RAB3C: variants seen among roughly 807,000 people sequenced by gnomAD.
RAB3C encodes the protein RAB3C, member RAS oncogene family.
A neutral mutation model predicts 26.4 loss-of-function variants in RAB3C; 17 were observed. The ratio of observed to expected loss-of-function variants is 0.64; its 90% CI spans 0.44 to 0.97. The LOEUF (loss-of-function observed/expected upper bound fraction) is 0.97. Among genes scored for constraint, RAB3C ranks in the 50% least tolerant of loss-of-function variants. RAB3C has a pLI of 0.00. For missense variants in RAB3C, 242 were observed against 281.9 expected (o/e 0.86, Z 1.01); for synonymous variants, 91 against 95.9 (o/e 0.95, Z 0.30).
chr5:58,778,724 T>C (rs939810145), intron 3 of RAB3C, among the ~76,000 whole-genome samples: 1 of 152,178 alleles, frequency 6.6e-6, no homozygotes, highest in East Asian at 1.9e-4. Flanking sequence ...ATTAAAATTA[T>C]TTATGCCATG....
At chr5:58,843,783 T>C (rs1349854411) in intron 4 of RAB3C, among the ~76,000 whole-genome samples, 1 of 152,208 alleles carries the variant, frequency 6.6e-6, no homozygotes, top group Non-Finnish European at 1.5e-5. Flanking sequence ...AAACTCCATC[T>C]AAAAATGATA....
chr5:58,691,923 AT>A (rs956666484), intron 2 of RAB3C, among the ~76,000 whole-genome samples: 2 of 152,162 alleles, frequency 1.3e-5, no homozygotes, highest in Non-Finnish European at 2.9e-5. Flanking sequence ...ACAAAATGTG[AT>A]TGTGTTCTGA....
chr5:58,696,632 T>C (rs1351118534), intron 2 of RAB3C, among the ~76,000 whole-genome samples: 1 of 152,218 alleles, frequency 6.6e-6, no homozygotes, highest in Non-Finnish European at 1.5e-5. Context: ...ATTAAACTTC[T>C]TCCTGGTTTA....
At chr5:58,695,986 T>C (rs1337302051) in intron 2 of RAB3C, among the ~76,000 whole-genome samples, 1 of 152,232 alleles carries the variant, frequency 6.6e-6, no homozygotes, top group Non-Finnish European at 1.5e-5. Context: ...AGAGAGGGCA[T>C]CCTTGTCTTG....
intron 1 of RAB3C, among the ~76,000 whole-genome samples, chr5:58,594,291 G>A (rs1746198060): frequency 2.0e-5 from 3 of 152,132 alleles, no homozygotes; most frequent in African/African-American, 4.8e-5. Flanking sequence ...CTCACCTATT[G>A]GTGTTAGCTC....
At chr5:58,818,056 C>A (rs1007683087) in intron 3 of RAB3C, among the ~76,000 whole-genome samples, 2 of 152,152 alleles carry the variant, frequency 1.3e-5, no homozygotes, top group Admixed American at 6.5e-5. Context: ...TCTCTGATAC[C>A]TCATATTCCC....
rs533140800 is a variant in RAB3C at position 58,727,281 on chromosome 5, C to T, written c.371+1161C>T. Reference sequence around the variant, plus strand: ...TCTAGGAAGACTTCTTATTTACACACACACACACACAGTTACAATGCAAGA... The same window carrying T: ...TCTAGGAAGACTTCTTATTTACACATACACACACACAGTTACAATGCAAGA... On this transcript the variant is annotated intron_variant, in intron 3 of 4. Coordinates refer to ENST00000282878, the MANE Select transcript of RAB3C (RefSeq NM_138453.4). Among the ~76,000 whole-genome samples, 7 of 152,022 alleles carry T rather than the reference C, an allele frequency of 4.6e-5. No homozygotes were observed. In the East Asian group the frequency reaches 1.4e-3, roughly 30 times the overall value.
At chr5:58,731,064 T>A (rs569879973) in intron 3 of RAB3C, among the ~76,000 whole-genome samples, 3 of 152,052 alleles carry the variant, frequency 2.0e-5, no homozygotes, top group Non-Finnish European at 4.4e-5. Context: ...TTCAGTTACC[T>A]CCCACTAGGT....
chr5:58,682,983 C>T (rs1323089784), intron 2 of RAB3C, among the ~76,000 whole-genome samples: 1 of 152,172 alleles, frequency 6.6e-6, no homozygotes, highest in African/African-American at 2.4e-5. Flanking sequence ...ATGCAACAAA[C>T]GATGTTTCCT....
rs1744115772 is a variant in RAB3C at position 58,851,531 on chromosome 5, G to A, written c.*180G>A. 4.2e-6 allele frequency: 2 copies of A among 470,790 alleles called. No homozygotes were observed. The highest frequency in any genetic ancestry group is 7.3e-6 in the Non-Finnish European group (2 of 273,306). The allele number at this position is 470,790 out of a possible 1,614,324, so 29.2% of individuals were successfully genotyped here. A position where few individuals can be genotyped will look rare whatever the true frequency, so the allele number is the denominator to read the frequency against. ...CCTGTTTAATATGTGGCAAATATGT[G>A]ATCTTAAATTTATAAGGACTATCCA... On this transcript the variant is annotated 3_prime_UTR_variant, in exon 5 of 5. Coordinates refer to ENST00000282878, the MANE Select transcript of RAB3C (RefSeq NM_138453.4).
intron 2 of RAB3C, among the ~76,000 whole-genome samples, chr5:58,624,297 C>G (rs952312014): frequency 6.6e-6 from 1 of 152,064 alleles, no homozygotes; most frequent in Non-Finnish European, 1.5e-5. Context: ...CCTGGGGACT[C>G]GGGAAGGTTT....
intron 3 of RAB3C, among the ~76,000 whole-genome samples, chr5:58,731,218 T>C (rs1372202751): frequency 6.6e-6 from 1 of 152,136 alleles, no homozygotes; most frequent in Non-Finnish European, 1.5e-5. Context: ...GGAAGCTATC[T>C]CTTTTTTGAA....
chr5:58,588,904 A>G (rs1258991703), intron 1 of RAB3C, among the ~76,000 whole-genome samples: 1 of 151,990 alleles, frequency 6.6e-6, no homozygotes, highest in African/African-American at 2.4e-5. Context: ...TTTTTTCCCC[A>G]TATCTTATTG....
chr5:58,595,675 G>C (rs1397321536), intron 1 of RAB3C, among the ~76,000 whole-genome samples: 2 of 152,032 alleles, frequency 1.3e-5, no homozygotes, highest in Admixed American at 1.3e-4. Flanking sequence ...GAATTTCAGG[G>C]GAGTTCCGCA....
chr5:58,828,346 C>T (rs1369911169), intron 4 of RAB3C, among the ~76,000 whole-genome samples: 1 of 152,186 alleles, frequency 6.6e-6, no homozygotes, highest in Non-Finnish European at 1.5e-5. Context: ...AATGCTGCTT[C>T]GTCAGCATTT....
chr5:58,687,405 A>G (rs1176814627), intron 2 of RAB3C, among the ~76,000 whole-genome samples: 1 of 152,116 alleles, frequency 6.6e-6, no homozygotes, highest in Non-Finnish European at 1.5e-5. Context: ...GTTTCTTTTC[A>G]GATATGAATT....
intron 2 of RAB3C, among the ~76,000 whole-genome samples, chr5:58,683,582 G>T (rs1748389037): frequency 6.6e-6 from 1 of 152,092 alleles, no homozygotes; most frequent in Non-Finnish European, 1.5e-5. Context: ...CTTATCCATG[G>T]TTGCACTTTC....
intron 3 of RAB3C, among the ~76,000 whole-genome samples, chr5:58,761,240 AC>A (rs1260415725): frequency 1.3e-5 from 2 of 152,204 alleles, no homozygotes; most frequent in African/African-American, 2.4e-5. Context: ...ATCAGAAAAA[AC>A]AATGGAATTA....
rs528109467 is a variant in RAB3C, at chr5:58,739,490, C to T, written c.371+13370C>T. Among the ~76,000 whole-genome samples the T allele has an allele frequency of 2.0e-5, 3 of 152,100 alleles. No homozygotes were observed. In the South Asian group the frequency reaches 6.2e-4, roughly 32 times the overall value. Reference sequence around the variant, plus strand: ...TCCTAGTTATCAATTACGAACCAACCTCGCCTATGTACCCCTTCTTAAAAA... The same window carrying T: ...TCCTAGTTATCAATTACGAACCAACTTCGCCTATGTACCCCTTCTTAAAAA... On this transcript the variant is annotated intron_variant, in intron 3 of 4. Coordinates refer to ENST00000282878, the MANE Select transcript of RAB3C (RefSeq NM_138453.4).
Sources: gnomAD v4.1 joint callset for allele counts (sites outside exome capture counted in the v4.1 genomes callset) on GRCh38, gnomAD v4.1.1 for gene constraint, MANE v1.5 for transcripts, NCBI Gene and HGNC (gene_info 2026-07-23, HGNC 2026-07-21) for gene names.